Variants in TRAPPC8 observed in about 807,000 individuals in gnomAD.
The protein encoded by TRAPPC8 is trafficking protein particle complex subunit 8.
A neutral mutation model predicts 174.3 loss-of-function variants in TRAPPC8; 54 were observed. The observed-to-expected ratio is 0.31, with a 90% confidence interval of 0.25 to 0.39. The LOEUF is 0.39. Ranked by LOEUF, TRAPPC8 falls within the 10% of genes least tolerant of loss-of-function variation. The pLI is 1.00. For synonymous variants in TRAPPC8, 630 were observed against 579.9 expected, an observed-to-expected ratio of 1.09 and a Z score of -1.24; for missense variants, 1,531 against 1,699.1, an observed-to-expected ratio of 0.90 and a Z score of 1.74.
At chr18:31,867,985 T>A (rs1432918267) in intron 16 of TRAPPC8, among the ~76,000 whole-genome samples, 1 of 152,144 alleles carries the variant, frequency 6.6e-6, no homozygotes, top group Admixed American at 6.5e-5. Flanking sequence ...TAATTTAATC[T>A]TACAATAATA....
chr18:31,906,276 T>C (rs918746580), intron 9 of TRAPPC8, among the ~76,000 whole-genome samples: 1 of 148,372 alleles, frequency 6.7e-6, no homozygotes, highest in East Asian at 2.0e-4. Flanking sequence ...GAGGTGGAGG[T>C]TGCCGTGAGC....
At chr18:31,933,575 G>A (rs959902319) in intron 1 of TRAPPC8, among the ~76,000 whole-genome samples, 12 of 152,248 alleles carry the variant, frequency 7.9e-5, no homozygotes, top group African/African-American at 2.9e-4. Context: ...AGCAGCAGCA[G>A]CAGATACAAC....
chr18:31,874,150 C>T (rs2035026443), intron 13 of TRAPPC8: 1 of 353,044 alleles, frequency 2.8e-6, no homozygotes, highest in African/African-American at 2.1e-5. Context: ...AGAGAACCCA[C>T]TTAAAACCAA....
At chr18:31,914,727 T>A (rs986994895) in intron 4 of TRAPPC8, among the ~76,000 whole-genome samples, 1 of 152,152 alleles carries the variant, frequency 6.6e-6, no homozygotes, top group African/African-American at 2.4e-5. Context: ...AAACAAAACA[T>A]TAATCTGCTC....
chr18:31,912,689 T>C (rs772588231), intron 5 of TRAPPC8, among the ~76,000 whole-genome samples: 8 of 151,274 alleles, frequency 5.3e-5, no homozygotes, highest in Non-Finnish European at 1.2e-4. Flanking sequence ...AAGAAAAATG[T>C]AGGGAGCAAC....
chr18:31,836,956 G>T (rs985222938), intron 27 of TRAPPC8, among the ~76,000 whole-genome samples: 1 of 151,904 alleles, frequency 6.6e-6, no homozygotes, highest in African/African-American at 2.4e-5. Flanking sequence ...TAGAGATGGG[G>T]TTTCACCGTG....
At chr18:31,934,478 A>G (rs2037992967) in intron 1 of TRAPPC8, among the ~76,000 whole-genome samples, 1 of 152,164 alleles carries the variant, frequency 6.6e-6, no homozygotes, top group African/African-American at 2.4e-5. Flanking sequence ...CTTCCCAGTC[A>G]GTCTAATTAT....
At chr18:31,858,457 T>A (rs1328975636) in intron 19 of TRAPPC8, among the ~76,000 whole-genome samples, 1 of 152,212 alleles carries the variant, frequency 6.6e-6, no homozygotes, top group African/African-American at 2.4e-5. Flanking sequence ...TGATTTCATA[T>A]CCATAATTTT....
At position 31,857,927 on chromosome 18, in the gene TRAPPC8, T is replaced by C. The variant is rs1222392281; in HGVS notation, c.2801A>G (p.Tyr934Cys). 2 of 1,614,158 alleles carry C rather than the reference T, an allele frequency of 1.2e-6. No homozygotes were observed. Among genetic ancestry groups the C allele is most frequent in the Non-Finnish European group, 8.5e-7 (1 of 1,179,990 alleles). The change falls in exon 20 of 29, where the codon TAT becomes TGT. Residue 934 changes from tyrosine (Y) to cysteine (C), a missense_variant. Physicochemically the swap from Tyr to Cys is radical, Grantham distance 194. Coordinates refer to ENST00000283351, the MANE Select transcript of TRAPPC8 (RefSeq NM_014939.5). ...TTTGCTGACATTGACAAATTCTACA[T>C]ATGCTTTTCGGATTTCTCCACAGAG... ...GLLCGEIRKA[Y>C]VEFVNVSKCP...
rs188824762 is a variant in TRAPPC8 at position 31,897,322 on chromosome 18, A to G, written c.1596+464T>C. On this transcript the variant is annotated intron_variant, in intron 11 of 28. Transcript: ENST00000283351. ...ACAATATAGGTTTTTTAAATGTTTA[A>G]GATGATTTTCTTAAAAAGTTCATGC... 2.2e-3 allele frequency among the ~76,000 whole-genome samples: 330 copies of G among 152,326 alleles called. 1 individual carries two copies. Among genetic ancestry groups the G allele is most frequent in the Non-Finnish European group, 4.0e-3 (275 of 68,016 alleles).
Position 31,880,133 on chromosome 18 carries a change from T to TTC in TRAPPC8, c.1729-5430_1729-5429insGA, listed in dbSNP as rs2035375550. On this transcript the variant is annotated intron_variant, in intron 12 of 28. Transcript: ENST00000283351. ...TATATATATATATATTTTTTTTTTT[T>TTC]TAAGGAAGAAAGATTCCTCCTTAAC... Among the ~76,000 whole-genome samples, 4 of 132,810 alleles carry TTC rather than the reference T, an allele frequency of 3.0e-5. No homozygotes were observed. In the South Asian group the frequency reaches 9.6e-4, roughly 32 times the overall value. The allele number at this position is 132,810 out of a possible 152,430, so 87.1% of individuals were successfully genotyped here.
intron 24 of TRAPPC8, among the ~76,000 whole-genome samples, chr18:31,851,089 AAAG>A (rs1237437586): frequency 1.3e-5 from 2 of 152,202 alleles, no homozygotes; most frequent in African/African-American, 4.8e-5. Context: ...GCAAATGATA[AAAG>A]AAGTACAAAA....
At chr18:31,883,066 T>G (rs574610824) in intron 12 of TRAPPC8, among the ~76,000 whole-genome samples, 1 of 149,952 alleles carries the variant, frequency 6.7e-6, no homozygotes, top group Non-Finnish European at 1.5e-5. Flanking sequence ...CTATTAAAAA[T>G]ACAAAAATTA....
chr18:31,904,986 A>G (rs2036596489), intron 9 of TRAPPC8, among the ~76,000 whole-genome samples: 1 of 151,498 alleles, frequency 6.6e-6, no homozygotes, highest in African/African-American at 2.4e-5. Context: ...GCTGAGATCA[A>G]GCCACTGCAC....
chr18:31,859,015 C>T (rs2034183411), intron 19 of TRAPPC8, among the ~76,000 whole-genome samples: 1 of 152,090 alleles, frequency 6.6e-6, no homozygotes, highest in South Asian at 2.1e-4. Flanking sequence ...ACTGCTCGAG[C>T]CCAGGAAGCA....
intron 28 of TRAPPC8, 57 bp from the exon 29 acceptor site, chr18:31,831,046 A>G: frequency 1.4e-6 from 2 of 1,481,382 alleles, no homozygotes; most frequent in Non-Finnish European, 1.9e-6. Flanking sequence ...TTTTTTTCCC[A>G]AAGTCACATT....
intron 19 of TRAPPC8, among the ~76,000 whole-genome samples, chr18:31,862,973 A>T (rs941245517): frequency 8.0e-5 from 12 of 150,282 alleles, no homozygotes; most frequent in African/African-American, 2.9e-4. Context: ...AATTGCTTGA[A>T]CCTGGGAGAC....
At chr18:31,860,044 G>A (rs972166502) in intron 19 of TRAPPC8, among the ~76,000 whole-genome samples, 3 of 151,612 alleles carry the variant, frequency 2.0e-5, no homozygotes, top group Admixed American at 2.0e-4. Context: ...AGTATATTTA[G>A]CCTTTACCTC....
At chr18:31,914,397 G>T (rs967547608) in intron 4 of TRAPPC8, among the ~76,000 whole-genome samples, 1 of 152,124 alleles carries the variant, frequency 6.6e-6, no homozygotes, top group African/African-American at 2.4e-5. Context: ...CTAAACCTAA[G>T]AACCATTCAT....
Sources: gnomAD v4.1 joint callset for allele counts (sites outside exome capture counted in the v4.1 genomes callset) on GRCh38, gnomAD v4.1.1 for gene constraint, MANE v1.5 for transcripts, NCBI Gene and HGNC (gene_info 2026-07-23, HGNC 2026-07-21) for gene names.